Variants in CCDC73 observed in about 807,000 individuals in gnomAD.
CCDC73 encodes the protein coiled-coil domain-containing protein 73.
CCDC73 carries 95 observed loss-of-function variants against 116.5 expected under a neutral mutation model. The ratio of observed to expected loss-of-function variants is 0.82; its 90% confidence interval spans 0.69 to 0.97. CCDC73 has a LOEUF of 0.97. Ranked by LOEUF, CCDC73 falls within the 50% of genes least tolerant of loss-of-function variation. The probability of loss-of-function intolerance (pLI) is 0.00; values close to 1 mark genes in which losing one functional copy is unlikely to be tolerated. For synonymous variants in CCDC73, 398 were observed against 401.3 expected (o/e 0.99, Z 0.10); for missense variants, 1,066 against 1,206.8 (o/e 0.88, Z 1.73).
intron 1 of CCDC73, among the ~76,000 whole-genome samples, chr11:32,764,100 A>T (rs1850418518): frequency 6.6e-6 from 1 of 152,240 alleles, no homozygotes; most frequent in Non-Finnish European, 1.5e-5. Flanking sequence ...CCTCCAAGAA[A>T]TATGGGACGA....
intron 3 of CCDC73, among the ~76,000 whole-genome samples, chr11:32,707,557 A>G (rs1467345909): frequency 6.6e-6 from 1 of 152,100 alleles, no homozygotes; most frequent in Admixed American, 6.5e-5. Context: ...TCCTTGTAAC[A>G]CTACACTTGC....
intron 6 of CCDC73, among the ~76,000 whole-genome samples, chr11:32,698,819 C>T (rs185811284): frequency 7.2e-5 from 11 of 152,274 alleles, no homozygotes; most frequent in Admixed American, 4.6e-4. Flanking sequence ...CTTCTGTATT[C>T]TCTAAGAGAC....
intron 13 of CCDC73, among the ~76,000 whole-genome samples, chr11:32,636,340 G>C (rs1855677424): frequency 6.6e-6 from 1 of 151,780 alleles, no homozygotes; most frequent in African/African-American, 2.4e-5. Context: ...ATACAGATTT[G>C]AATTCCACTA....
At chr11:32,730,619 C>T (rs899730319) in intron 2 of CCDC73, among the ~76,000 whole-genome samples, 3 of 152,056 alleles carry the variant, frequency 2.0e-5, no homozygotes, top group African/African-American at 7.2e-5. Flanking sequence ...TCAGTTCTTC[C>T]ATGATGTATC....
chr11:32,817,348 T>C, the CCDC73 span, among the ~76,000 whole-genome samples: 1 of 152,254 alleles, frequency 6.6e-6, no homozygotes, highest in Admixed American at 6.5e-5. Context: ...GACTGAATCA[T>C]TTTTAAGGCT....
intron 4 of CCDC73, among the ~76,000 whole-genome samples, chr11:32,702,052 T>C (rs1317474912): frequency 6.6e-6 from 1 of 152,142 alleles, no homozygotes; most frequent in South Asian, 2.1e-4. Context: ...TTCCTTAACC[T>C]TCAGTTAAAA....
At chr11:32,669,142 T>C (rs1164802385) in intron 9 of CCDC73, among the ~76,000 whole-genome samples, 1 of 152,184 alleles carries the variant, frequency 6.6e-6, no homozygotes, top group Non-Finnish European at 1.5e-5. Flanking sequence ...GTTGTTTCAG[T>C]AATTAACGTC....
Position 32,615,976 on chromosome 11 carries a change from T to C in CCDC73, c.1339A>G (p.Lys447Glu), listed in dbSNP as rs2078829391. ...ATTTCCTCTATAAATGAGCCTTCTT[T>C]TTTTTCTTCTTTTTCTCTGTATTCA... is the stretch of plus-strand genomic sequence containing the variant. ...DTEYREKEEKKEGSFIEEIII... is the reference protein window; with the variant it reads ...DTEYREKEEKEEGSFIEEIII... The change falls in exon 15 of 18, where the codon AAA (lysine) becomes GAA (glutamate). Residue 447 changes from lysine to glutamate, a missense_variant. Coordinates refer to ENST00000335185, the MANE Select transcript of CCDC73 (RefSeq NM_001008391.4). 1 of 1,585,670 alleles carries C rather than the reference T, an allele frequency of 6.3e-7. No homozygotes were observed. The highest frequency in any genetic ancestry group is 8.6e-7 in the Non-Finnish European group (1 of 1,163,044).
At chr11:32,731,396 G>A (rs1850076759) in intron 2 of CCDC73, among the ~76,000 whole-genome samples, 1 of 152,204 alleles carries the variant, frequency 6.6e-6, no homozygotes, top group South Asian at 2.1e-4. Context: ...AGAATTAAAT[G>A]TCCCTGTCCG....
At chr11:32,632,524 C>T (rs1013008481) in intron 14 of CCDC73, among the ~76,000 whole-genome samples, 11 of 152,038 alleles carry the variant, frequency 7.2e-5, no homozygotes, top group Admixed American at 7.2e-4. Flanking sequence ...CCGTGCCCGG[C>T]CGGTTGGTGG....
chr11:32,816,258 C>T, the CCDC73 span, among the ~76,000 whole-genome samples: 2 of 152,118 alleles, frequency 1.3e-5, no homozygotes, highest in East Asian at 3.8e-4. Flanking sequence ...GTTGTCAGCA[C>T]ATTAGTCATA....
intron 2 of CCDC73, among the ~76,000 whole-genome samples, chr11:32,734,744 G>C (rs181041859): frequency 1.4e-4 from 21 of 152,204 alleles, no homozygotes; most frequent in Admixed American, 1.4e-3. Context: ...CAATACTCCT[G>C]ATGAACATTG....
chr11:32,803,155 G>A, the CCDC73 span, among the ~76,000 whole-genome samples: 744 of 151,532 alleles, frequency 4.9e-3, 5 homozygotes, highest in Non-Finnish European at 7.5e-3. Context: ...GTGCAGTGGC[G>A]TGATCTCGGC....
At chr11:32,714,333 C>A (rs1849925949) in intron 3 of CCDC73, among the ~76,000 whole-genome samples, 1 of 152,050 alleles carries the variant, frequency 6.6e-6, no homozygotes, top group South Asian at 2.1e-4. Context: ...ATGAAGTTGG[C>A]TACTTCTCCC....
At chr11:32,624,129 C>T (rs1241298633) in intron 14 of CCDC73, among the ~76,000 whole-genome samples, 7 of 150,940 alleles carry the variant, frequency 4.6e-5, no homozygotes, top group East Asian at 2.0e-4. Context: ...GTCAGGAGAT[C>T]GAGACCATCC....
At position 32,663,586 on chromosome 11, in the gene CCDC73, C is replaced by T. The variant is rs536804112; in HGVS notation, c.646-8614G>A. 1.5e-4 allele frequency among the ~76,000 whole-genome samples: 23 copies of T among 152,256 alleles called. No homozygotes were observed. The East Asian group carries it at 3.3e-3, about 22-fold the overall frequency. On this transcript the variant is annotated intron_variant, in intron 9 of 17. Transcript: ENST00000335185. ...AGCTTAAGGAGATTTTGGGCTGAGA[C>T]AATGGGGTTTTCTAAATATACAGTC...
chr11:32,717,798 C>T (rs939054452), intron 3 of CCDC73, among the ~76,000 whole-genome samples: 1 of 152,046 alleles, frequency 6.6e-6, no homozygotes, highest in Non-Finnish European at 1.5e-5. Context: ...AGCATGTCTG[C>T]GGAGGCCTCA....
intron 14 of CCDC73, among the ~76,000 whole-genome samples, chr11:32,619,608 G>A (rs771584210): frequency 7.9e-5 from 12 of 152,074 alleles, no homozygotes; most frequent in Non-Finnish European, 1.5e-4. Flanking sequence ...AGGAGTTTGA[G>A]GCTGCAGTGA....
chr11:32,607,335 G>A (rs1185725900), intron 17 of CCDC73, among the ~76,000 whole-genome samples: 6 of 150,746 alleles, frequency 4.0e-5, no homozygotes, highest in African/African-American at 9.8e-5. Flanking sequence ...CTCGTGATCC[G>A]CCCGCCTCGG....
Sources: gnomAD v4.1 joint callset for allele counts (sites outside exome capture counted in the v4.1 genomes callset) on GRCh38, gnomAD v4.1.1 for gene constraint, MANE v1.5 for transcripts, NCBI Gene and HGNC (gene_info 2026-07-23, HGNC 2026-07-21) for gene names.